The following OSBPL1A variants were observed in gnomAD, a reference collection of about 807,000 sequenced individuals.
OSBPL1A encodes the protein oxysterol binding protein like 1A, also known as oxysterol-binding protein-related protein 1.
In OSBPL1A, 80 loss-of-function variants were observed where a neutral mutation model predicts 137.1. The observed-to-expected ratio is 0.58, with a 90% CI of 0.49 to 0.70. The LOEUF (loss-of-function observed/expected upper bound fraction) is 0.70, where lower values mean the gene tolerates loss of function less well. Among genes scored for constraint, OSBPL1A ranks in the 30% least tolerant of loss-of-function variants. The pLI is 0.00. For synonymous variants in OSBPL1A, 365 were observed against 389.7 expected (o/e 0.94, Z 0.75); for missense variants, 970 against 1,129.4 (o/e 0.86, Z 2.02).
At chr18:24,324,603 TAA>T (rs71163674) in intron 7 of OSBPL1A, among the ~76,000 whole-genome samples, 357 of 5,594 alleles carry the variant, frequency 0.064, 11 homozygotes, top group African/African-American at 0.097. Context: ...AATATGAATA[TAA>T]AAAAAAAAAA....
intron 4 of OSBPL1A, among the ~76,000 whole-genome samples, chr18:24,355,462 T>C (rs907293993): frequency 2.0e-5 from 3 of 151,340 alleles, no homozygotes; most frequent in African/African-American, 7.3e-5. Flanking sequence ...GATTGCACCA[T>C]TGCACTCCAG....
intron 13 of OSBPL1A, among the ~76,000 whole-genome samples, chr18:24,308,732 G>C (rs1177903357): frequency 6.6e-6 from 1 of 151,994 alleles, no homozygotes; most frequent in Admixed American, 6.6e-5. Context: ...CTTGAAATGT[G>C]GCTAATATGT....
At chr18:24,175,108 G>GTATATATA (rs71163664) in intron 21 of OSBPL1A, among the ~76,000 whole-genome samples, 4 of 111,496 alleles carry the variant, frequency 3.6e-5, no homozygotes, top group Non-Finnish European at 6.6e-5. Context: ...CCATGTGTAT[G>GTATATATA]TATATATATA....
At chr18:24,187,333 G>C (rs2086777444) in intron 18 of OSBPL1A, among the ~76,000 whole-genome samples, 1 of 152,156 alleles carries the variant, frequency 6.6e-6, no homozygotes, top group Non-Finnish European at 1.5e-5. Context: ...GCACAGCAGT[G>C]CGAGTGTACT....
intron 15 of OSBPL1A, among the ~76,000 whole-genome samples, chr18:24,257,518 T>C (rs2089317624): frequency 6.6e-6 from 1 of 152,160 alleles, no homozygotes; most frequent in Non-Finnish European, 1.5e-5. Context: ...CCTCAGACTA[T>C]GAAACTACTA....
chr18:24,346,261 G>T (rs1169569180), intron 4 of OSBPL1A, among the ~76,000 whole-genome samples: 1 of 152,110 alleles, frequency 6.6e-6, no homozygotes, highest in African/African-American at 2.4e-5. Flanking sequence ...CAGATGAAAT[G>T]CTTAGAGAAA....
chr18:24,272,603 A>G (rs1341435203), intron 15 of OSBPL1A, among the ~76,000 whole-genome samples: 1 of 152,240 alleles, frequency 6.6e-6, no homozygotes, highest in African/African-American at 2.4e-5. Context: ...GGTTAACTGT[A>G]ACACTCTGAT....
chr18:24,388,859 C>T (rs1041426858), intron 1 of OSBPL1A, among the ~76,000 whole-genome samples: 3 of 149,990 alleles, frequency 2.0e-5, no homozygotes, highest in African/African-American at 7.4e-5. Flanking sequence ...GTTTAAAACA[C>T]CCCCCCACAG....
At chr18:24,377,981 CAT>C (rs1906322775) in intron 1 of OSBPL1A, among the ~76,000 whole-genome samples, 1 of 152,110 alleles carries the variant, frequency 6.6e-6, no homozygotes, top group Non-Finnish European at 1.5e-5. Flanking sequence ...GTAAGACTAA[CAT>C]GTAAACTAAC....
intron 17 of OSBPL1A, among the ~76,000 whole-genome samples, chr18:24,221,373 G>A (rs761022273): frequency 6.6e-6 from 1 of 151,996 alleles, no homozygotes; most frequent in Non-Finnish European, 1.5e-5. Context: ...AATCACCTGG[G>A]GTCCTAATCT....
chr18:24,164,418 T>G (rs1616655), intron 27 of OSBPL1A, among the ~76,000 whole-genome samples: 1 of 131,568 alleles, frequency 7.6e-6, no homozygotes, highest in African/African-American at 2.7e-5. Context: ...TGGAGATTTT[T>G]GGTTTTTTTT....
At chr18:24,214,547 T>G (rs924305859) in intron 17 of OSBPL1A, among the ~76,000 whole-genome samples, 1 of 152,198 alleles carries the variant, frequency 6.6e-6, no homozygotes, top group Non-Finnish European at 1.5e-5. Flanking sequence ...GTCTCAGAAC[T>G]TGAACACCTC....
chr18:24,322,890 C>T (rs961547453), intron 7 of OSBPL1A, among the ~76,000 whole-genome samples: 1 of 152,088 alleles, frequency 6.6e-6, no homozygotes, highest in Non-Finnish European at 1.5e-5. Context: ...TTAAAAAATA[C>T]ACTATCTCTC....
intron 14 of OSBPL1A, among the ~76,000 whole-genome samples, chr18:24,299,167 AT>A (rs71163671): frequency 0.14 from 21,119 of 151,924 alleles, 1,534 homozygotes; most frequent in South Asian, 0.17. Context: ...TTGGTTTGTG[AT>A]TTTTTTATCT....
chr18:24,177,446 G>C (rs1020684187), intron 21 of OSBPL1A, among the ~76,000 whole-genome samples: 2 of 152,168 alleles, frequency 1.3e-5, no homozygotes, highest in Non-Finnish European at 2.9e-5. Flanking sequence ...TCTCTCCCCA[G>C]TCTGCCTGCT....
chr18:24,370,793 G>A (rs975065084), intron 2 of OSBPL1A, among the ~76,000 whole-genome samples: 1 of 151,952 alleles, frequency 6.6e-6, no homozygotes. Context: ...TCAGCCTCCC[G>A]AGTAGCCGGG....
At chr18:24,322,381 A>C (rs899410758) in intron 7 of OSBPL1A, among the ~76,000 whole-genome samples, 3 of 151,804 alleles carry the variant, frequency 2.0e-5, no homozygotes, top group African/African-American at 7.3e-5. Flanking sequence ...TGGGCCTCCC[A>C]AAGTGTTGGG....
At chr18:24,163,325 A>G (rs982860081) in intron 27 of OSBPL1A, 44 bp from the exon 28 acceptor site, 1 of 1,393,936 alleles carries the variant, frequency 7.2e-7, no homozygotes, top group African/African-American at 1.4e-5. Flanking sequence ...AAACTATGGA[A>G]AATCACAGGC....
intron 18 of OSBPL1A, among the ~76,000 whole-genome samples, chr18:24,186,226 G>C (rs557112709): frequency 6.6e-6 from 1 of 152,204 alleles, no homozygotes; most frequent in Admixed American, 6.5e-5. Context: ...AAAAAGTACA[G>C]AAGAATGTTA....
Sources: allele counts gnomAD v4.1 joint callset (sites outside exome capture counted in the v4.1 genomes callset), GRCh38; gene constraint gnomAD v4.1.1; transcripts MANE v1.5; gene names NCBI Gene and HGNC (gene_info 2026-07-23, HGNC 2026-07-21).